The following ATXN1 variants were observed in gnomAD, a reference collection of about 807,000 sequenced individuals.
ATXN1 encodes ataxin 1.
ATXN1 carries 8 observed loss-of-function variants against 56.4 expected under a neutral mutation model. That is an observed-to-expected ratio of 0.14 (90% CI 0.08 to 0.26). The LOEUF is 0.26. ATXN1 is among the 10% of genes least tolerant of loss of function. The pLI is 1.00. For missense variants in ATXN1, 987 were observed against 1,106.5 expected (o/e 0.89, Z 1.53); for synonymous variants, 514 against 494.6 (o/e 1.04, Z -0.52).
chr6:16,447,609 G>A (rs566843606), intron 6 of ATXN1, among the ~76,000 whole-genome samples: 2 of 152,070 alleles, frequency 1.3e-5, no homozygotes, highest in East Asian at 3.9e-4. Context: ...CTCCCACCTC[G>A]GCCTCCCAAA....
intron 6 of ATXN1, among the ~76,000 whole-genome samples, chr6:16,416,289 A>G (rs1758907151): frequency 6.6e-6 from 1 of 152,242 alleles, no homozygotes; most frequent in South Asian, 2.1e-4. Flanking sequence ...AATATAGATT[A>G]AATTAATGTA....
intron 6 of ATXN1, among the ~76,000 whole-genome samples, chr6:16,440,074 T>A (rs1363700621): frequency 5.2e-5 from 6 of 115,080 alleles, no homozygotes; most frequent in African/African-American, 2.1e-4. Flanking sequence ...AGACTTCGTC[T>A]CAAAAAAAAA....
intron 2 of ATXN1, among the ~76,000 whole-genome samples, chr6:16,741,822 G>A (rs930083093): frequency 2.6e-5 from 4 of 152,306 alleles, no homozygotes; most frequent in East Asian, 1.9e-4. Flanking sequence ...TTTGCAGCTC[G>A]CTGGGAGGAA....
In ATXN1 at chr6:16,326,233, T is replaced by C. The variant is rs1294964578; in HGVS notation, c.1917+161A>G. On this transcript the variant is annotated intron_variant, in intron 7 of 7. Coordinates refer to ENST00000436367, the MANE Select transcript of ATXN1 (RefSeq NM_001128164.2). This position sits in a 1 kb window ranked among gnomAD's most constrained non-coding sequence, Gnocchi z 6.6. ...AGCAGAGATCACGGGGAAATGGGGC[T>C]TATTTTTTCTAGAGAACGCAGTTGG... Among the ~76,000 whole-genome samples the C allele has an allele frequency of 6.6e-6, 1 of 152,164 alleles. No individual in the cohort carries two copies. The highest frequency in any genetic ancestry group is 2.4e-5 in the African/African-American group (1 of 41,438).
At chr6:16,403,368 T>A (rs1357913629) in intron 6 of ATXN1, among the ~76,000 whole-genome samples, 1 of 152,142 alleles carries the variant, frequency 6.6e-6, no homozygotes, top group Non-Finnish European at 1.5e-5. Flanking sequence ...AAAAATTTTT[T>A]AAGACAGGGT....
In ATXN1 at chr6:16,660,839, T is replaced by TG. The variant is rs1422049094; in HGVS notation, c.-614-2939_-614-2938insC. On this transcript the variant is annotated intron_variant, in intron 2 of 7. Transcript: ENST00000436367. ...GAGGTTTATTTTGTTTTGGTTTTTT[T>TG]TTTTTTTTTTTTTTTTTGAGACAGA... 8.0e-3 allele frequency among the ~76,000 whole-genome samples: 1,165 copies of TG among 145,984 alleles called. 17 individuals carry two copies. Among genetic ancestry groups the TG allele is most frequent in the African/African-American group, 0.028 (1,101 of 39,230 alleles).
At chr6:16,681,934 CAATATT>C in intron 2 of ATXN1, among the ~76,000 whole-genome samples, 1 of 152,070 alleles carries the variant, frequency 6.6e-6, no homozygotes, top group East Asian at 1.9e-4. Flanking sequence ...ATTAAAGTAC[CAATATT>C]TGCTCTTCTG....
At chr6:16,456,380 C>T (rs912651798) in intron 6 of ATXN1, among the ~76,000 whole-genome samples, 1 of 152,194 alleles carries the variant, frequency 6.6e-6, no homozygotes, top group African/African-American at 2.4e-5. Flanking sequence ...TTAAAAGCAA[C>T]TAGCATGGCC....
chr6:16,343,864 G>C (rs900249213), intron 6 of ATXN1, among the ~76,000 whole-genome samples: 1 of 152,158 alleles, frequency 6.6e-6, no homozygotes, highest in South Asian at 2.1e-4. Context: ...GCTGTGTCCT[G>C]ATCAAGCCTC....
intron 3 of ATXN1, among the ~76,000 whole-genome samples, chr6:16,611,174 T>C (rs980059242): frequency 3.3e-5 from 5 of 152,190 alleles, no homozygotes; most frequent in Admixed American, 3.3e-4. Context: ...AAAACATCTA[T>C]ATGTCTATAT....
chr6:16,760,048 C>T lies in ATXN1; in HGVS notation c.-730+1250G>A, dbSNP rs1450804533. On this transcript the variant is annotated intron_variant, in intron 1 of 7. Transcript: ENST00000436367. The surrounding 1 kb of genome is among the most constrained non-coding windows in gnomAD (Gnocchi z 5.3). ...CTCACACTCACGCCGCGCTCCGACA[C>T]CGCCTCACCTCTCGCTCCGCCCGTC... Among the ~76,000 whole-genome samples, 1 of 151,804 alleles carries T rather than the reference C, an allele frequency of 6.6e-6. No individual in the cohort carries two copies. The highest frequency in any genetic ancestry group is 2.0e-4 in the East Asian group (1 of 5,100).
chr6:16,622,348 G>GTGATGA (rs1381751702), intron 3 of ATXN1, among the ~76,000 whole-genome samples: 1 of 152,156 alleles, frequency 6.6e-6, no homozygotes, highest in African/African-American at 2.4e-5. Flanking sequence ...CTAGGAGATG[G>GTGATGA]TGATGATGAT....
chr6:16,665,712 A>G (rs1451248061), intron 2 of ATXN1, among the ~76,000 whole-genome samples: 1 of 152,200 alleles, frequency 6.6e-6, no homozygotes, highest in Non-Finnish European at 1.5e-5. Flanking sequence ...ACAACCTAAC[A>G]AAGACCATTA....
intron 7 of ATXN1, among the ~76,000 whole-genome samples, chr6:16,321,017 G>A (rs1267774480): frequency 6.6e-6 from 1 of 152,172 alleles, no homozygotes; most frequent in African/African-American, 2.4e-5. Flanking sequence ...TTTCAGCTGT[G>A]AATCACTTTC....
intron 5 of ATXN1, among the ~76,000 whole-genome samples, chr6:16,512,407 C>T (rs1351390894): frequency 6.6e-6 from 1 of 152,116 alleles, no homozygotes; most frequent in East Asian, 1.9e-4. Flanking sequence ...TAACGCATTT[C>T]AAATTAAAAG....
At chr6:16,385,365 G>A (rs1337288889) in intron 6 of ATXN1, among the ~76,000 whole-genome samples, 2 of 152,232 alleles carry the variant, frequency 1.3e-5, no homozygotes, top group African/African-American at 4.8e-5. Flanking sequence ...AAACAGTCGG[G>A]AGGAACTTGC....
intron 4 of ATXN1, among the ~76,000 whole-genome samples, chr6:16,549,578 A>T (rs1761878067): frequency 1.3e-5 from 2 of 152,176 alleles, no homozygotes; most frequent in Non-Finnish European, 2.9e-5. Flanking sequence ...CAGGTTGTCC[A>T]CTACTGCTTA....
intron 2 of ATXN1, among the ~76,000 whole-genome samples, chr6:16,711,611 TATATAG>T (rs982444161): frequency 1.3e-5 from 2 of 151,200 alleles, no homozygotes; most frequent in African/African-American, 4.9e-5. Flanking sequence ...CATCTATATC[TATATAG>T]ATATAGATTG....
intron 6 of ATXN1, among the ~76,000 whole-genome samples, chr6:16,468,898 G>GAA (rs879854928): frequency 7.2e-6 from 1 of 139,296 alleles, no homozygotes; most frequent in Non-Finnish European, 1.6e-5. Flanking sequence ...AATAGAAGCA[G>GAA]AAAAAAAAAA....
Sources: gnomAD v4.1 joint callset for allele counts (sites outside exome capture counted in the v4.1 genomes callset) on GRCh38, gnomAD v4.1.1 for gene constraint, Gnocchi (gnomAD v3.1) non-coding constraint, MANE v1.5 for transcripts, NCBI Gene and HGNC (gene_info 2026-07-23, HGNC 2026-07-21) for gene names.